The following SNTB1 variants were observed in gnomAD, a reference collection of about 807,000 sequenced individuals.
SNTB1 encodes the protein beta-1-syntrophin.
A neutral mutation model predicts 48.9 loss-of-function variants in SNTB1; 36 were observed. The observed-to-expected ratio is 0.74, with a 90% confidence interval of 0.56 to 0.97. The LOEUF is 0.97. SNTB1 is among the 50% of genes least tolerant of loss of function. The pLI, the probability that SNTB1 is intolerant of heterozygous loss-of-function variation, is 0.00. For synonymous variants in SNTB1, 299 were observed against 294.6 expected, an observed-to-expected ratio of 1.01 and a Z score of -0.15; for missense variants, 786 against 703.4, an observed-to-expected ratio of 1.12 and a Z score of -1.33.
chr8:120,805,229 C>G (rs1820312625), intron 1 of SNTB1, among the ~76,000 whole-genome samples: 1 of 142,156 alleles, frequency 7.0e-6, no homozygotes, highest in Admixed American at 6.9e-5. Context: ...GAATGCCCAC[C>G]CTCTCCTCCA....
chr8:120,626,561 G>C (rs1178499839), intron 3 of SNTB1, among the ~76,000 whole-genome samples: 3 of 152,188 alleles, frequency 2.0e-5, no homozygotes, highest in East Asian at 3.9e-4. Context: ...TTAAAGTGAA[G>C]AGTAGTTTGA....
At chr8:120,604,444 AT>A (rs1385803550) in intron 3 of SNTB1, among the ~76,000 whole-genome samples, 3 of 142,856 alleles carry the variant, frequency 2.1e-5, no homozygotes, top group Non-Finnish European at 4.5e-5. Flanking sequence ...TTGGAAGCCT[AT>A]GGCTTTTGCT....
At chr8:120,639,983 C>T (rs374802546) in intron 2 of SNTB1, among the ~76,000 whole-genome samples, 60,829 of 151,272 alleles carry the variant, frequency 0.4, 13,258 homozygotes, top group Non-Finnish European at 0.49. Flanking sequence ...TGGCCATTTT[C>T]ACGATATTGA....
chr8:120,601,760 A>C (rs1816425798), intron 3 of SNTB1, among the ~76,000 whole-genome samples: 2 of 152,350 alleles, frequency 1.3e-5, no homozygotes, highest in South Asian at 2.1e-4. Context: ...GCTTGGTTGC[A>C]GGTTAATGAA....
intron 2 of SNTB1, among the ~76,000 whole-genome samples, chr8:120,672,605 C>A (rs986997447): frequency 2.0e-5 from 3 of 152,194 alleles, no homozygotes; most frequent in African/African-American, 7.2e-5. Context: ...GAATGGGGAA[C>A]ACATTTTTAT....
At chr8:120,711,368 A>T (rs945033191) in intron 1 of SNTB1, among the ~76,000 whole-genome samples, 3 of 152,184 alleles carry the variant, frequency 2.0e-5, no homozygotes, top group Admixed American at 6.5e-5. Context: ...TGTTGCCCTA[A>T]GGTAAAGTAT....
intron 1 of SNTB1, among the ~76,000 whole-genome samples, chr8:120,721,628 AT>A (rs932753411): frequency 6.6e-6 from 1 of 152,132 alleles, no homozygotes; most frequent in African/African-American, 2.4e-5. Flanking sequence ...CCATAATGCC[AT>A]TTTTTATTTA....
intron 1 of SNTB1, among the ~76,000 whole-genome samples, chr8:120,796,420 A>G (rs376407982): frequency 2.6e-5 from 4 of 152,056 alleles, no homozygotes; most frequent in South Asian, 2.1e-4. Context: ...ACTTCAACCT[A>G]TGAATTTTGG....
At chr8:120,694,209 AG>A (rs57652153) in intron 1 of SNTB1, among the ~76,000 whole-genome samples, 3,286 of 152,258 alleles carry the variant, frequency 0.022, 109 homozygotes, top group African/African-American at 0.074. Flanking sequence ...TCTGGGAAAA[AG>A]GCTGAAAACA....
At chr8:120,629,428 T>A (rs1816943036) in intron 3 of SNTB1, among the ~76,000 whole-genome samples, 1 of 152,080 alleles carries the variant, frequency 6.6e-6, no homozygotes, top group African/African-American at 2.4e-5. Context: ...TGTGACAAAT[T>A]TACAAAATCA....
At chr8:120,673,575 G>A (rs1817789674) in intron 2 of SNTB1, among the ~76,000 whole-genome samples, 1 of 152,104 alleles carries the variant, frequency 6.6e-6, no homozygotes, top group African/African-American at 2.4e-5. Flanking sequence ...ACAGGCGTAA[G>A]CTGCTGCACC....
intron 2 of SNTB1, among the ~76,000 whole-genome samples, chr8:120,639,029 T>A (rs1470735254): frequency 6.6e-6 from 1 of 152,242 alleles, no homozygotes; most frequent in Non-Finnish European, 1.5e-5. Context: ...TGTTCCTATT[T>A]CTCCACATCC....
At chr8:120,713,869 G>A (rs1818509448) in intron 1 of SNTB1, among the ~76,000 whole-genome samples, 2 of 152,156 alleles carry the variant, frequency 1.3e-5, no homozygotes, top group African/African-American at 4.8e-5. Flanking sequence ...ATAATTGGAT[G>A]TAGGCATTAA....
chr8:120,629,377 T>C (rs892826641), intron 3 of SNTB1, among the ~76,000 whole-genome samples: 18 of 152,330 alleles, frequency 1.2e-4, no homozygotes, highest in Admixed American at 1.2e-3. Flanking sequence ...AAATTTGAAA[T>C]TAAATTAAAT....
chr8:120,571,327 A>T (rs562496933), intron 4 of SNTB1: 219 of 1,288,020 alleles, frequency 1.7e-4, no homozygotes, highest in Non-Finnish European at 2.1e-4. Flanking sequence ...TGTTGCGGGA[A>T]TGTCTCAGAA....
chr8:120,757,284 A>G (rs576367390), intron 1 of SNTB1, among the ~76,000 whole-genome samples: 1 of 152,310 alleles, frequency 6.6e-6, no homozygotes, highest in South Asian at 2.1e-4. Context: ...ATTGGTCTGC[A>G]GTAACCAGGC....
intron 2 of SNTB1, among the ~76,000 whole-genome samples, chr8:120,667,184 C>A (rs1425777457): frequency 2.9e-5 from 3 of 101,812 alleles, no homozygotes; most frequent in Admixed American, 2.1e-4. Flanking sequence ...GCAGCGGCAC[C>A]ATCATAGTTC....
chr8:120,663,395 T>C (rs1353957022), intron 2 of SNTB1, among the ~76,000 whole-genome samples: 1 of 152,152 alleles, frequency 6.6e-6, no homozygotes, highest in Non-Finnish European at 1.5e-5. Flanking sequence ...CATGATGGAA[T>C]GTGCAAGAAG....
At chr8:120,582,075 T>C (rs566084501) in intron 3 of SNTB1, among the ~76,000 whole-genome samples, 100 of 152,156 alleles carry the variant, frequency 6.6e-4, no homozygotes, top group Middle Eastern at 3.4e-3. Flanking sequence ...AAAAAAACCA[T>C]AGCAGAACAC....
Sources: gnomAD v4.1 joint callset for allele counts (sites outside exome capture counted in the v4.1 genomes callset) on GRCh38, gnomAD v4.1.1 for gene constraint, MANE v1.5 for transcripts, NCBI Gene and HGNC (gene_info 2026-07-23, HGNC 2026-07-21) for gene names.